SNTG1: variants seen among roughly 807,000 people sequenced by gnomAD.
SNTG1 encodes syntrophin gamma 1.
Under a neutral mutation model 74.7 loss-of-function variants are expected in SNTG1, and 39 were observed. The ratio of observed to expected loss-of-function variants is 0.52; its 90% CI spans 0.40 to 0.68. The LOEUF (loss-of-function observed/expected upper bound fraction) is 0.68. Among genes scored for constraint, SNTG1 ranks in the 30% least tolerant of loss-of-function variants. The pLI, the probability that SNTG1 is intolerant of heterozygous loss-of-function variation, is 0.00. For missense variants in SNTG1, 685 were observed against 609.5 expected, an observed-to-expected ratio of 1.12 and a Z score of -1.30; for synonymous variants, 254 against 217.1, an observed-to-expected ratio of 1.17 and a Z score of -1.49.
chr8:50,154,574 T>G (rs1040748405), intron 1 of SNTG1, among the ~76,000 whole-genome samples: 30 of 152,252 alleles, frequency 2.0e-4, no homozygotes, highest in African/African-American at 6.5e-4. Flanking sequence ...AGGTATATGT[T>G]ACCAGAAATA....
intron 9 of SNTG1, among the ~76,000 whole-genome samples, chr8:50,509,171 A>G (rs1585511783): frequency 6.6e-6 from 1 of 152,186 alleles, no homozygotes; most frequent in Non-Finnish European, 1.5e-5. Context: ...CATTTATTAA[A>G]TAGGGAATCC....
intron 1 of SNTG1, among the ~76,000 whole-genome samples, chr8:50,071,322 C>T (rs1348999989): frequency 6.6e-6 from 1 of 152,136 alleles, no homozygotes; most frequent in African/African-American, 2.4e-5. Flanking sequence ...CTTCAACCTC[C>T]TAAAGTAGCT....
At chr8:49,928,632 ACT>A (rs1220346378) in intron 1 of SNTG1, among the ~76,000 whole-genome samples, 4 of 152,006 alleles carry the variant, frequency 2.6e-5, no homozygotes, top group Admixed American at 1.3e-4. Flanking sequence ...CTATACAGGA[ACT>A]CTCTGCACAT....
intron 17 of SNTG1, among the ~76,000 whole-genome samples, chr8:50,743,110 A>G (rs1321742032): frequency 6.6e-6 from 1 of 151,868 alleles, no homozygotes; most frequent in Admixed American, 6.6e-5. Context: ...TACCAAAAAA[A>G]AAAAAAATTG....
intron 2 of SNTG1, among the ~76,000 whole-genome samples, chr8:50,232,682 C>G (rs1452811020): frequency 6.6e-6 from 1 of 151,290 alleles, no homozygotes; most frequent in African/African-American, 2.4e-5. Context: ...CATAGAAAAT[C>G]TTAAGGAATA....
intron 2 of SNTG1, among the ~76,000 whole-genome samples, chr8:50,296,177 A>G (rs2089360996): frequency 1.3e-5 from 2 of 152,212 alleles, no homozygotes; most frequent in Non-Finnish European, 2.9e-5. Flanking sequence ...CTACAATTGA[A>G]AAAACAAAAC....
In SNTG1 at chr8:50,313,417, G is replaced by A. The variant is rs915346868; in HGVS notation, c.-27-80795G>A. On this transcript the variant is annotated intron_variant, in intron 2 of 18. Transcript: ENST00000642720. ...GAAAAATATTTGCAAATTGTATGCTGATAAGGGGTTAATATTCAAAATATG... is the reference window on the plus strand; with the variant it reads ...GAAAAATATTTGCAAATTGTATGCTAATAAGGGGTTAATATTCAAAATATG... Among the ~76,000 whole-genome samples, 25 of 149,722 alleles carry A rather than the reference G, an allele frequency of 1.7e-4. 1 individual carries two copies. Among genetic ancestry groups the A allele is most frequent in the South Asian group, 6.7e-4 (3 of 4,502 alleles).
intron 13 of SNTG1, among the ~76,000 whole-genome samples, chr8:50,654,541 CTAAA>C (rs898067817): frequency 6.6e-6 from 1 of 152,076 alleles, no homozygotes. Flanking sequence ...TCTGAAATGC[CTAAA>C]TATTCAGTTC....
intron 2 of SNTG1, among the ~76,000 whole-genome samples, chr8:50,285,814 C>T (rs865908755): frequency 1.2e-4 from 16 of 134,000 alleles, no homozygotes; most frequent in African/African-American, 4.2e-4. Context: ...AATATATTTC[C>T]AAAAAAAAAA....
intron 4 of SNTG1, among the ~76,000 whole-genome samples, chr8:50,413,627 T>A (rs2092978068): frequency 6.6e-6 from 1 of 152,214 alleles, no homozygotes; most frequent in Admixed American, 6.5e-5. Flanking sequence ...TCTTCAATTC[T>A]GAAGAATTTT....
Position 50,663,330 on chromosome 8 carries a change from T to C in SNTG1, c.1038+4667T>C, listed in dbSNP as rs2095234505. ...GGAACAAAGGACAGCCACTAAAGCATGTCAAGCATAGGGAGGGACTGAGGT... is the reference window on the plus strand; with the variant it reads ...GGAACAAAGGACAGCCACTAAAGCACGTCAAGCATAGGGAGGGACTGAGGT... On this transcript the variant is annotated intron_variant, in intron 15 of 18. Coordinates refer to ENST00000642720, the MANE Select transcript of SNTG1 (RefSeq NM_018967.5). 2.6e-5 allele frequency among the ~76,000 whole-genome samples: 4 copies of C among 152,142 alleles called. No individual in the cohort carries two copies. In the South Asian group the frequency reaches 6.2e-4, roughly 24 times the overall value.
At chr8:49,916,727 C>G (rs1806070319) in intron 1 of SNTG1, among the ~76,000 whole-genome samples, 1 of 151,714 alleles carries the variant, frequency 6.6e-6, no homozygotes, top group African/African-American at 2.4e-5. Context: ...ATGAAAAGGC[C>G]AAGTACAGTG....
At chr8:49,912,575 C>T (rs531985466) in intron 1 of SNTG1, among the ~76,000 whole-genome samples, 1 of 152,158 alleles carries the variant, frequency 6.6e-6, no homozygotes, top group African/African-American at 2.4e-5. Flanking sequence ...GTGATCCTGT[C>T]TGTGTTACAT....
At chr8:50,462,796 C>CTTTTTTTTTTTTTTTTTTT (rs869119447) in intron 8 of SNTG1, among the ~76,000 whole-genome samples, 2 of 57,412 alleles carry the variant, frequency 3.5e-5, no homozygotes. Context: ...AGGTTCTACT[C>CTTTTTTTTTTTTTTTTTTT]TTTTTTTTTT....
chr8:50,170,062 A>T (rs28664922), intron 1 of SNTG1, among the ~76,000 whole-genome samples: 4,172 of 152,254 alleles, frequency 0.027, 216 homozygotes, highest in African/African-American at 0.093. Context: ...TTTGCTCTTC[A>T]TATTTGCACC....
At chr8:50,407,407 T>C (rs576851988) in intron 4 of SNTG1, among the ~76,000 whole-genome samples, 2 of 152,252 alleles carry the variant, frequency 1.3e-5, no homozygotes, top group African/African-American at 4.8e-5. Context: ...GGCAGGGGAC[T>C]GAAAACAAGA....
chr8:50,661,986 T>C (rs2095226260), intron 15 of SNTG1, among the ~76,000 whole-genome samples: 1 of 152,170 alleles, frequency 6.6e-6, no homozygotes, highest in Non-Finnish European at 1.5e-5. Flanking sequence ...GCTTCTAGAT[T>C]CGATGCTAAT....
intron 13 of SNTG1, among the ~76,000 whole-genome samples, chr8:50,613,055 C>G (rs938581422): frequency 6.6e-6 from 1 of 152,098 alleles, no homozygotes; most frequent in Non-Finnish European, 1.5e-5. Context: ...GCCCCACTTA[C>G]TAATTGAAGA....
At chr8:50,714,788 C>A (rs2131573638) in intron 17 of SNTG1, among the ~76,000 whole-genome samples, 1 of 152,026 alleles carries the variant, frequency 6.6e-6, no homozygotes, top group East Asian at 2.0e-4. Context: ...CAGGCTCAAC[C>A]ACAATCTAAT....
Sources: allele counts gnomAD v4.1 joint callset (sites outside exome capture counted in the v4.1 genomes callset), GRCh38; gene constraint gnomAD v4.1.1; transcripts MANE v1.5; gene names NCBI Gene and HGNC (gene_info 2026-07-23, HGNC 2026-07-21).